The following CCDC146 variants were observed in gnomAD, a reference collection of about 807,000 sequenced individuals.
CCDC146 encodes coiled-coil domain containing 146.
Under a neutral mutation model 119.3 loss-of-function variants are expected in CCDC146, and 92 were observed. That is an observed-to-expected ratio of 0.77 (90% CI 0.65 to 0.92). The LOEUF (loss-of-function observed/expected upper bound fraction) is 0.92. Among genes scored for constraint, CCDC146 ranks in the 40% least tolerant of loss-of-function variants. The probability of loss-of-function intolerance (pLI) is 0.00; values close to 1 mark genes in which losing one functional copy is unlikely to be tolerated. For synonymous variants in CCDC146, 372 were observed against 371.8 expected, an observed-to-expected ratio of 1.00 and a Z score of -0.01; for missense variants, 1,000 against 1,103.0, an observed-to-expected ratio of 0.91 and a Z score of 1.32.
intron 2 of CCDC146, chr7:77,199,258 T>G (rs1379380334): frequency 1.9e-6 from 3 of 1,613,942 alleles, no homozygotes; most frequent in South Asian, 1.1e-5. Context: ...AAATGTTAGA[T>G]TTGCCACTTT....
At chr7:77,193,453 A>C (rs1441954212) in intron 2 of CCDC146, 1 of 152,232 alleles carries the variant, frequency 6.6e-6, no homozygotes, top group African/African-American at 2.4e-5. Context: ...TTTTAAAAAG[A>C]CATGAAACAT....
chr7:77,258,704 A>T (rs1337371785), intron 6 of CCDC146, among the ~76,000 whole-genome samples: 1 of 152,202 alleles, frequency 6.6e-6, no homozygotes, highest in Non-Finnish European at 1.5e-5. Context: ...CAACGGGTTT[A>T]TTGGGACGTC....
chr7:77,205,682 C>G (rs1007164714), intron 2 of CCDC146, among the ~76,000 whole-genome samples: 29 of 152,162 alleles, frequency 1.9e-4, no homozygotes, highest in African/African-American at 5.8e-4. Context: ...TCACTTGAGC[C>G]CAGGAGGCAG....
At chr7:77,286,357 C>A (rs73706621) in intron 15 of CCDC146, among the ~76,000 whole-genome samples, 40,111 of 151,802 alleles carry the variant, frequency 0.26, 6,674 homozygotes, top group African/African-American at 0.47. Flanking sequence ...CCCATCCTGC[C>A]CCCATGACCC....
chr7:77,215,018 T>G (rs1482863353), intron 2 of CCDC146, among the ~76,000 whole-genome samples: 1 of 152,126 alleles, frequency 6.6e-6, no homozygotes, highest in Non-Finnish European at 1.5e-5. Flanking sequence ...TTATTTTCTC[T>G]TCACTTATTT....
In CCDC146 at chr7:77,245,071, AT is replaced by A. The variant is rs970471476; in HGVS notation, c.449+3178del. Among the ~76,000 whole-genome samples the A allele has an allele frequency of 2.6e-4, 39 of 152,166 alleles. 1 individual carries two copies. Among genetic ancestry groups the A allele is most frequent in the African/African-American group, 8.9e-4 (37 of 41,418 alleles). On this transcript the variant is annotated intron_variant, in intron 4 of 18. Coordinates refer to ENST00000285871, the MANE Select transcript of CCDC146 (RefSeq NM_020879.3). The stretch of plus-strand genomic sequence containing the variant: ...AGGATTTTACTGTGTAATTTTGTCA[AT>A]TTTTTTGTGTATGTTCACATAACAT...
rs757694288 is a variant in CCDC146 at position 77,241,777 on chromosome 7, C to T, written c.326C>T (p.Ala109Val). The T allele has an allele frequency of 2.5e-6, 4 of 1,614,082 alleles. No individual in the cohort carries two copies. The highest frequency in any genetic ancestry group is 1.3e-5 in the African/African-American group (1 of 75,032). Residue 109 changes from alanine (A) to valine (V), a missense_variant, in exon 4 of 19, where the codon GCT (alanine) becomes GTT (valine). Ala to Val is a moderately conservative substitution (Grantham distance 64, BLOSUM62 0). Coordinates refer to ENST00000285871, the MANE Select transcript of CCDC146 (RefSeq NM_020879.3). Reference protein sequence around the residue: ...IQQQQFHLQQADNFPEAFSTE... With the variant: ...IQQQQFHLQQVDNFPEAFSTE... ...CAGCAGCAGTTTCACCTGCAGCAAG[C>T]TGATAATTTTCCAGAAGCATTCTCC...
At chr7:77,211,967 A>G (rs559261363) in intron 2 of CCDC146, among the ~76,000 whole-genome samples, 111 of 152,322 alleles carry the variant, frequency 7.3e-4, no homozygotes, top group Non-Finnish European at 1.4e-3. Context: ...GTCATGCTTA[A>G]TTGTGAAACT....
intron 3 of CCDC146, among the ~76,000 whole-genome samples, chr7:77,241,064 T>G (rs1304952702): frequency 1.2e-5 from 1 of 85,248 alleles, no homozygotes; most frequent in Admixed American, 9.9e-5. Context: ...GTGCAGTGGC[T>G]CAATCTCGGC....
chr7:77,243,372 A>G (rs1297214674), intron 4 of CCDC146, among the ~76,000 whole-genome samples: 1 of 152,260 alleles, frequency 6.6e-6, no homozygotes, highest in Non-Finnish European at 1.5e-5. Context: ...TTTATAATGT[A>G]TCATTCTTAA....
At chr7:77,158,241 T>C (rs1175129965) in intron 1 of CCDC146, among the ~76,000 whole-genome samples, 1 of 152,180 alleles carries the variant, frequency 6.6e-6, no homozygotes, top group Non-Finnish European at 1.5e-5. Flanking sequence ...TTGTAAATTC[T>C]TTATAGGAAA....
chr7:77,229,686 G>A (rs1247536814), intron 2 of CCDC146, among the ~76,000 whole-genome samples: 1 of 152,172 alleles, frequency 6.6e-6, no homozygotes, highest in Non-Finnish European at 1.5e-5. Context: ...TTAAGCATGA[G>A]TTAGTTCATA....
intron 2 of CCDC146, chr7:77,194,846 A>G (rs943056892): frequency 5.3e-5 from 8 of 152,144 alleles, no homozygotes; most frequent in Admixed American, 6.5e-5. Context: ...GAAATTAAAC[A>G]CATTTAAAAA....
At chr7:77,241,146 C>T (rs1260375891) in intron 3 of CCDC146, among the ~76,000 whole-genome samples, 1 of 149,940 alleles carries the variant, frequency 6.7e-6, no homozygotes, top group African/African-American at 2.4e-5. Context: ...CAAGCTCCGC[C>T]TCCTGGGTTC....
chr7:77,186,632 G>T (rs1189561059), intron 2 of CCDC146, among the ~76,000 whole-genome samples: 1 of 152,106 alleles, frequency 6.6e-6, no homozygotes, highest in Non-Finnish European at 1.5e-5. Flanking sequence ...TAATTGGATT[G>T]TTTGTAACAC....
chr7:77,156,298 C>T (rs1180940723), intron 1 of CCDC146, among the ~76,000 whole-genome samples: 1 of 152,176 alleles, frequency 6.6e-6, no homozygotes, highest in African/African-American at 2.4e-5. Flanking sequence ...GTTCAAACCC[C>T]ATTGTTACTT....
chr7:77,191,208 T>A (rs941622675), intron 2 of CCDC146, among the ~76,000 whole-genome samples: 1 of 152,234 alleles, frequency 6.6e-6, no homozygotes, highest in Non-Finnish European at 1.5e-5. Context: ...TTTTGTTACA[T>A]GGTATGTTGT....
chr7:77,219,364 TA>T (rs1354535703), intron 2 of CCDC146, among the ~76,000 whole-genome samples: 1 of 152,302 alleles, frequency 6.6e-6, no homozygotes, highest in Non-Finnish European at 1.5e-5. Flanking sequence ...ATCTGCTTTT[TA>T]AAAAACCAAG....
intron 5 of CCDC146, among the ~76,000 whole-genome samples, chr7:77,255,789 T>C (rs1793167054): frequency 1.3e-5 from 2 of 152,150 alleles, no homozygotes; most frequent in South Asian, 4.1e-4. Flanking sequence ...CTGGGGTAGA[T>C]GGTATTTGGG....
Sources: gnomAD v4.1 joint callset for allele counts (sites outside exome capture counted in the v4.1 genomes callset) on GRCh38, gnomAD v4.1.1 for gene constraint, MANE v1.5 for transcripts, NCBI Gene and HGNC (gene_info 2026-07-23, HGNC 2026-07-21) for gene names.